The following TSPAN9 variants were observed in gnomAD, a reference collection of about 807,000 sequenced individuals.
The protein encoded by TSPAN9 is tetraspanin 9, also known as tetraspanin-9.
Under a neutral mutation model 31.0 loss-of-function variants are expected in TSPAN9, and 16 were observed. The ratio of observed to expected loss-of-function variants is 0.52; its 90% confidence interval spans 0.35 to 0.78. TSPAN9 has a LOEUF of 0.78. TSPAN9 is among the 30% of genes least tolerant of loss of function. The probability of loss-of-function intolerance (pLI) is 0.01; values close to 1 mark genes in which losing one functional copy is unlikely to be tolerated. For synonymous variants in TSPAN9, 145 were observed against 121.6 expected (o/e 1.19, Z -1.27); for missense variants, 272 against 312.5 (o/e 0.87, Z 0.98).
At chr12:3,175,773 G>T (rs535665862) in intron 2 of TSPAN9, among the ~76,000 whole-genome samples, 1 of 152,256 alleles carries the variant, frequency 6.6e-6, no homozygotes, top group African/African-American at 2.4e-5. Context: ...GCTGGGTGTG[G>T]GACCGGCATC....
At chr12:3,243,866 A>C (rs770705884) in intron 3 of TSPAN9, among the ~76,000 whole-genome samples, 1 of 152,150 alleles carries the variant, frequency 6.6e-6, no homozygotes, top group Non-Finnish European at 1.5e-5. Flanking sequence ...GCCACCTCTG[A>C]GAAGACTTCT....
At chr12:3,144,567 A>G (rs1199495085) in intron 2 of TSPAN9, among the ~76,000 whole-genome samples, 1 of 152,184 alleles carries the variant, frequency 6.6e-6, no homozygotes, top group African/African-American at 2.4e-5. Context: ...GCCTCTGCCA[A>G]TGCCTCCATT....
At chr12:3,273,766 C>T (rs1862729246) in intron 3 of TSPAN9, among the ~76,000 whole-genome samples, 1 of 152,178 alleles carries the variant, frequency 6.6e-6, no homozygotes, top group South Asian at 2.1e-4. Flanking sequence ...GGTCAGCTTC[C>T]TGACTTCCTG....
intron 3 of TSPAN9, among the ~76,000 whole-genome samples, chr12:3,202,305 C>T (rs1160351496): frequency 1.3e-5 from 2 of 152,170 alleles, no homozygotes; most frequent in Non-Finnish European, 1.5e-5. Flanking sequence ...GCCCACTGCC[C>T]GTGGTCCAGG....
chr12:3,138,279 G>C (rs2098333005), intron 2 of TSPAN9, among the ~76,000 whole-genome samples: 1 of 152,184 alleles, frequency 6.6e-6, no homozygotes, highest in Non-Finnish European at 1.5e-5. Context: ...CCTGGGGCTG[G>C]CTGGGAAGTG....
In TSPAN9 at chr12:3,280,243, A is replaced by C; in HGVS notation, c.331-139A>C. 1 of 719,350 alleles carries C rather than the reference A, an allele frequency of 1.4e-6. No individual in the cohort carries two copies. The highest frequency in any genetic ancestry group is 1.7e-5 in the South Asian group (1 of 58,502). 44.6% of individuals were successfully genotyped at this position (719,350 alleles called of 1,614,324 possible). ...AGCAGAGGCCCCCACCCCAGTGGGC[A>C]GGGCCTTCCAGACCAGCTGCCTTCC... On this transcript the variant is annotated intron_variant, in intron 5 of 8. Transcript: ENST00000011898. The surrounding 1 kb of genome is among the most constrained non-coding windows in gnomAD (Gnocchi z 4.5).
intron 2 of TSPAN9, among the ~76,000 whole-genome samples, chr12:3,131,329 C>T (rs1480916900): frequency 2.0e-5 from 3 of 152,152 alleles, no homozygotes; most frequent in Admixed American, 1.3e-4. Flanking sequence ...TGAGCCTGGA[C>T]ATGCCGAAGC....
At chr12:3,276,933 G>A (rs1862800332) in intron 3 of TSPAN9, among the ~76,000 whole-genome samples, 1 of 152,202 alleles carries the variant, frequency 6.6e-6, no homozygotes, top group Admixed American at 6.5e-5. Flanking sequence ...CTAATTGCGG[G>A]TTGCCCTGTC....
intron 3 of TSPAN9, among the ~76,000 whole-genome samples, chr12:3,273,865 C>A (rs531643893): frequency 1.3e-5 from 2 of 152,206 alleles, no homozygotes; most frequent in East Asian, 3.9e-4. Context: ...TGCCCTTGCT[C>A]CCTCCCCGAT....
intron 3 of TSPAN9, among the ~76,000 whole-genome samples, chr12:3,237,253 C>T (rs1482384087): frequency 6.7e-6 from 1 of 149,154 alleles, no homozygotes; most frequent in East Asian, 2.0e-4. Flanking sequence ...GTCAGCGGCT[C>T]TATAGGAAGC....
intron 1 of TSPAN9, among the ~76,000 whole-genome samples, chr12:3,081,832 G>GTATATATATATATATATA (rs1190118465): frequency 1.4e-4 from 4 of 28,124 alleles, no homozygotes; most frequent in African/African-American, 9.3e-4. Flanking sequence ...GTGTGTGTGT[G>GTATATATATATATATATA]TGTCTGTGTG....
chr12:3,245,663 G>T (rs1056999342), intron 3 of TSPAN9, among the ~76,000 whole-genome samples: 1 of 152,200 alleles, frequency 6.6e-6, no homozygotes, highest in Admixed American at 6.5e-5. Context: ...ATAAGAGGGG[G>T]TGGTGGAGGC....
chr12:3,135,129 C>T (rs963805851), intron 2 of TSPAN9, among the ~76,000 whole-genome samples: 5 of 152,134 alleles, frequency 3.3e-5, no homozygotes, highest in African/African-American at 1.2e-4. Flanking sequence ...GTCACCCAAG[C>T]TAGAGTGCAG....
chr12:3,152,998 C>T (rs759968131), intron 2 of TSPAN9, among the ~76,000 whole-genome samples: 7 of 152,240 alleles, frequency 4.6e-5, no homozygotes, highest in South Asian at 2.1e-4. Context: ...GGCCCCAGGA[C>T]GGCATCTGTG....
intron 3 of TSPAN9, among the ~76,000 whole-genome samples, chr12:3,239,912 G>T (rs544989780): frequency 3.9e-5 from 6 of 151,988 alleles, no homozygotes; most frequent in African/African-American, 1.2e-4. Flanking sequence ...GACTATATAG[G>T]GGGGGGACGA....
chr12:3,113,830 G>A (rs1221223961), intron 2 of TSPAN9, among the ~76,000 whole-genome samples: 1 of 152,182 alleles, frequency 6.6e-6, no homozygotes, highest in Admixed American at 6.5e-5. Flanking sequence ...TGCAAATGTG[G>A]CTCCCTCCAT....
chr12:3,104,633 C>T (rs1488880920), intron 2 of TSPAN9, among the ~76,000 whole-genome samples: 1 of 152,154 alleles, frequency 6.6e-6, no homozygotes, highest in African/African-American at 2.4e-5. Context: ...GGATTACAGG[C>T]GTGAGCCACT....
rs2153964709 is a variant in TSPAN9, at chr12:3,105,237, AGTGCGGCAGAT to A, written c.-18+21523_-18+21533del. On this transcript the variant is annotated intron_variant, in intron 2 of 8. Transcript: ENST00000011898. ...GTGCCCCGAGGCAGGCAGATGGAGG[AGTGCGGCAGAT>A]GTGCCGTCCTCTCCCAGGGGAGGGA... Among the ~76,000 whole-genome samples the A allele has an allele frequency of 3.9e-5, 6 of 152,234 alleles. No homozygotes were observed. In the South Asian group the frequency reaches 1.2e-3, roughly 32 times the overall value.
intron 1 of TSPAN9, among the ~76,000 whole-genome samples, chr12:3,078,782 A>AT (rs879455616): frequency 9.3e-4 from 133 of 143,722 alleles, no homozygotes; most frequent in Middle Eastern, 3.6e-3. Flanking sequence ...TGAGAGTAGG[A>AT]TTTTTTTTTT....
Sources: allele counts gnomAD v4.1 joint callset (sites outside exome capture counted in the v4.1 genomes callset), GRCh38; gene constraint gnomAD v4.1.1; non-coding constraint Gnocchi (gnomAD v3.1); transcripts MANE v1.5; gene names NCBI Gene and HGNC (gene_info 2026-07-23, HGNC 2026-07-21).